Variants in KCNMB2 observed in about 807,000 individuals in gnomAD.
KCNMB2 encodes the protein potassium calcium-activated channel subfamily M regulatory beta subunit 2, also known as calcium-activated potassium channel subunit beta-2.
In KCNMB2, 9 loss-of-function variants were observed where a neutral mutation model predicts 24.5. The ratio of observed to expected loss-of-function variants is 0.37; its 90% CI spans 0.22 to 0.64. The LOEUF is 0.64. KCNMB2 is among the 30% of genes least tolerant of loss of function. The pLI is 0.63. For missense variants in KCNMB2, 226 were observed against 284.3 expected (o/e 0.79, Z 1.47); for synonymous variants, 109 against 104.4 (o/e 1.04, Z -0.27).
intron 1 of KCNMB2, among the ~76,000 whole-genome samples, chr3:178,635,888 T>C (rs1719502850): frequency 6.6e-6 from 1 of 152,188 alleles, no homozygotes; most frequent in African/African-American, 2.4e-5. Context: ...TACTAATTCA[T>C]AGTCATTAGT....
chr3:178,746,325 C>T (rs1314975090), intron 1 of KCNMB2, among the ~76,000 whole-genome samples: 1 of 152,182 alleles, frequency 6.6e-6, no homozygotes, highest in Non-Finnish European at 1.5e-5. Flanking sequence ...TCTACATTGA[C>T]CCGTTTCAGC....
At position 178,843,053 on chromosome 3, in the gene KCNMB2, C is replaced by A. The variant is rs1715485132; in HGVS notation, c.*116C>A. The A allele has an allele frequency of 1.2e-6, 1 of 808,082 alleles. No homozygotes were observed. Among genetic ancestry groups the A allele is most frequent in the Non-Finnish European group, 2.0e-6 (1 of 505,326 alleles). 50.1% of individuals were successfully genotyped at this position (808,082 alleles called of 1,614,324 possible). ...TCTGTTATGAGTTCCCTAATATATT[C>A]TTATATGTAGAGCAATAATGCAAAA... On this transcript the variant is annotated 3_prime_UTR_variant, in exon 5 of 5. Coordinates refer to ENST00000452583, the MANE Select transcript of KCNMB2 (RefSeq NM_181361.3).
chr3:178,655,614 G>C (rs1720305637), intron 1 of KCNMB2, among the ~76,000 whole-genome samples: 1 of 152,160 alleles, frequency 6.6e-6, no homozygotes, highest in South Asian at 2.1e-4. Flanking sequence ...ACAAAACGGA[G>C]AGAAAATGCA....
In KCNMB2 at chr3:178,750,734, A is replaced by G. The variant is rs531918192; in HGVS notation, c.-67-56609A>G. On this transcript the variant is annotated intron_variant, in intron 1 of 4. Coordinates refer to ENST00000452583, the MANE Select transcript of KCNMB2 (RefSeq NM_181361.3). ...GATTTGGCACTGCTTTTCAGACAGT[A>G]GGAGCTTATGGGGTACCCAGTTGGC... 2.0e-5 allele frequency among the ~76,000 whole-genome samples: 3 copies of G among 152,354 alleles called. No homozygotes were observed. In the East Asian group the frequency reaches 5.8e-4, roughly 29 times the overall value.
chr3:178,801,108 T>C (rs1228094760), intron 1 of KCNMB2, among the ~76,000 whole-genome samples: 1 of 152,130 alleles, frequency 6.6e-6, no homozygotes. Flanking sequence ...TAAGATCTAG[T>C]ATTTAATAGC....
chr3:178,805,500 T>C lies in KCNMB2; in HGVS notation c.-67-1843T>C, dbSNP rs372677843. ...AATCACTTATTATGAGTGCATGCTCTGATCCTTTGCTGCTCGCTGTTGTTT... is the reference window on the plus strand; with the variant it reads ...AATCACTTATTATGAGTGCATGCTCCGATCCTTTGCTGCTCGCTGTTGTTT... On this transcript the variant is annotated intron_variant, in intron 1 of 4. Coordinates refer to ENST00000452583, the MANE Select transcript of KCNMB2 (RefSeq NM_181361.3). Among the ~76,000 whole-genome samples the C allele has an allele frequency of 3.3e-4, 51 of 152,384 alleles. 1 individual carries two copies. In the South Asian group the frequency reaches 0.01, roughly 31 times the overall value.
chr3:178,598,486 T>C (rs1014860610), intron 1 of KCNMB2, among the ~76,000 whole-genome samples: 1 of 152,002 alleles, frequency 6.6e-6, no homozygotes, highest in Admixed American at 6.6e-5. Context: ...GTAATTCACA[T>C]CAATAATGAA....
chr3:178,640,902 C>CT (rs1719700562), intron 1 of KCNMB2, among the ~76,000 whole-genome samples: 1 of 151,956 alleles, frequency 6.6e-6, no homozygotes, highest in Non-Finnish European at 1.5e-5. Flanking sequence ...CTAGGTTCTT[C>CT]TTTTTTGCAT....
intron 1 of KCNMB2, among the ~76,000 whole-genome samples, chr3:178,650,208 CTGTT>C (rs1720060448): frequency 6.6e-6 from 1 of 152,084 alleles, no homozygotes; most frequent in Non-Finnish European, 1.5e-5. Flanking sequence ...GTCTGAGAGA[CTGTT>C]TGTTATGATT....
chr3:178,635,243 G>A (rs904049727), intron 1 of KCNMB2, among the ~76,000 whole-genome samples: 15 of 152,108 alleles, frequency 9.9e-5, no homozygotes, highest in African/African-American at 3.6e-4. Context: ...GAACTAAGAA[G>A]AGCTAAGAAC....
At chr3:178,718,169 G>GTGAT (rs1722680698) in intron 1 of KCNMB2, among the ~76,000 whole-genome samples, 1 of 152,178 alleles carries the variant, frequency 6.6e-6, no homozygotes, top group African/African-American at 2.4e-5. Flanking sequence ...CATCCCTTCT[G>GTGAT]TGATAGAAGT....
At chr3:178,772,781 C>A (rs747870840) in intron 1 of KCNMB2, among the ~76,000 whole-genome samples, 7 of 152,184 alleles carry the variant, frequency 4.6e-5, no homozygotes, top group Admixed American at 1.3e-4. Context: ...TTTTAAATAA[C>A]TGAAACATGT....
chr3:178,714,012 C>G (rs899848486), intron 1 of KCNMB2, among the ~76,000 whole-genome samples: 23 of 152,264 alleles, frequency 1.5e-4, no homozygotes, highest in African/African-American at 5.1e-4. Flanking sequence ...TTCTTAAACT[C>G]TCAAGTTTTT....
intron 2 of KCNMB2, among the ~76,000 whole-genome samples, chr3:178,814,715 A>G (rs1714335907): frequency 6.6e-6 from 1 of 152,136 alleles, no homozygotes; most frequent in African/African-American, 2.4e-5. Context: ...TTCTCTAATG[A>G]TTAGTAATGT....
chr3:178,783,889 T>C (rs1712983755), intron 1 of KCNMB2, among the ~76,000 whole-genome samples: 1 of 152,230 alleles, frequency 6.6e-6, no homozygotes, highest in African/African-American at 2.4e-5. Flanking sequence ...AAGGGAATGC[T>C]TCCAGTTTTT....
Position 178,795,470 on chromosome 3 carries a change from C to A in KCNMB2, c.-67-11873C>A, listed in dbSNP as rs1713503281. On this transcript the variant is annotated intron_variant, in intron 1 of 4. Transcript: ENST00000452583. ...GATTATCTGGGCTGGCCCAGGGTAA[C>A]CACATGAGTCCTTGCAGTTTAAGAG... 2.0e-5 allele frequency among the ~76,000 whole-genome samples: 3 copies of A among 152,170 alleles called. No individual in the cohort carries two copies. In the South Asian group the frequency reaches 6.2e-4, roughly 32 times the overall value.
intron 1 of KCNMB2, among the ~76,000 whole-genome samples, chr3:178,702,241 T>C (rs1577109996): frequency 7.8e-6 from 1 of 127,806 alleles, no homozygotes; most frequent in Non-Finnish European, 1.6e-5. Flanking sequence ...ATGAGAACAC[T>C]TGGACACAGG....
chr3:178,810,472 G>A (rs889915413), intron 2 of KCNMB2, among the ~76,000 whole-genome samples: 1 of 152,138 alleles, frequency 6.6e-6, no homozygotes, highest in Non-Finnish European at 1.5e-5. Flanking sequence ...CCAGCTTAAG[G>A]GCAGGCAGAG....
intron 1 of KCNMB2, among the ~76,000 whole-genome samples, chr3:178,778,902 T>C (rs959537013): frequency 1.6e-4 from 24 of 152,306 alleles, no homozygotes; most frequent in Admixed American, 3.3e-4. Context: ...TGGCACAGCA[T>C]AAAGTTTTGC....
Sources: allele counts gnomAD v4.1 joint callset (sites outside exome capture counted in the v4.1 genomes callset), GRCh38; gene constraint gnomAD v4.1.1; transcripts MANE v1.5; gene names NCBI Gene and HGNC (gene_info 2026-07-23, HGNC 2026-07-21).